CNN3: variants seen among roughly 807,000 people sequenced by gnomAD.
The protein encoded by CNN3 is calponin 3.
CNN3 carries 11 observed loss-of-function variants against 39.0 expected under a neutral mutation model. That is an observed-to-expected ratio of 0.28 (90% CI 0.18 to 0.47). CNN3 has a LOEUF of 0.47. CNN3 is among the 20% of genes least tolerant of loss of function. The pLI is 0.99. For missense variants in CNN3, 266 were observed against 403.4 expected (o/e 0.66, Z 2.92); for synonymous variants, 101 against 138.3 (o/e 0.73, Z 1.89).
chr1:94,900,026 T>TA (rs1396293568), intron 5 of CNN3, among the ~76,000 whole-genome samples: 1 of 152,220 alleles, frequency 6.6e-6, no homozygotes, highest in African/African-American at 2.4e-5. Context: ...TTTATTCCTG[T>TA]AACTCCCATG....
At chr1:94,924,453 C>G (rs1396908770) in intron 1 of CNN3, 34 of 152,276 alleles carry the variant, frequency 2.2e-4, no homozygotes, top group Admixed American at 2.2e-3. Flanking sequence ...AAAACCCTGT[C>G]TCTACTAAAT....
At chr1:94,924,610 A>G (rs1352757286) in intron 1 of CNN3, among the ~76,000 whole-genome samples, 1 of 152,202 alleles carries the variant, frequency 6.6e-6, no homozygotes, top group Admixed American at 6.5e-5. Flanking sequence ...GCGACAGAGC[A>G]AGACTCCGTC....
intron 6 of CNN3, among the ~76,000 whole-genome samples, chr1:94,898,849 CTGTTCTCAAA>C (rs1299457985): frequency 2.0e-5 from 3 of 152,166 alleles, no homozygotes; most frequent in African/African-American, 7.2e-5. Context: ...TGAGACCTGT[CTGTTCTCAAA>C]TGGTTGTTGA....
Position 94,901,074 on chromosome 1 carries a change from C to G in CNN3, c.501+595G>C, listed in dbSNP as rs571201947. The stretch of plus-strand genomic sequence containing the variant: ...ATCTATATATAAAAGATAAAACAGG[C>G]CAGGTGCAGTAGTTCACGCCTGTAA... On this transcript the variant is annotated intron_variant, in intron 5 of 6. Transcript: ENST00000370206. Among the ~76,000 whole-genome samples, 3 of 152,120 alleles carry G rather than the reference C, an allele frequency of 2.0e-5. No homozygotes were observed. In the East Asian group the frequency reaches 5.8e-4, roughly 29 times the overall value.
At position 94,901,746 on chromosome 1, in the gene CNN3, C is replaced by T. The variant is rs200885955; in HGVS notation, c.424G>A (p.Val142Ile). The change falls in exon 5 of 7, where the codon GTT becomes ATT. Residue 142 changes from valine (V) to isoleucine (I), a missense_variant. By Grantham distance (29) the Val-to-Ile change is conservative. Transcript: ENST00000370206. Reference sequence around the variant, plus strand: ...CTTGTTTGTTTTTCTGCATACTTAACTCCAATGTCAATGGTTGTATGGAAT... The same window carrying T: ...CTTGTTTGTTTTTCTGCATACTTAATTCCAATGTCAATGGTTGTATGGAAT... ...KGFHTTIDIG[V>I]KYAEKQTRRF... 6.2e-7 allele frequency: 1 copy of T among 1,613,996 alleles called. No individual in the cohort carries two copies. The highest frequency in any genetic ancestry group is 8.5e-7 in the Non-Finnish European group (1 of 1,179,948).
At position 94,902,560 on chromosome 1, in the gene CNN3, C is replaced by A. The variant is rs117318059; in HGVS notation, c.247-302G>T. On this transcript the variant is annotated intron_variant, in intron 3 of 6. Coordinates refer to ENST00000370206, the MANE Select transcript of CNN3 (RefSeq NM_001839.5). ...GGATTCTGTATCAGAGCTATCCAGG[C>A]CTGGAATTTTATTTGTCAAAAGGTG... 1.3e-3 allele frequency among the ~76,000 whole-genome samples: 196 copies of A among 152,258 alleles called. 4 individuals are homozygous for A. In the East Asian group the frequency reaches 0.036, roughly 28 times the overall value.
In CNN3 at chr1:94,926,917, G is replaced by A. The variant is rs369487528; in HGVS notation, c.-23C>T. On this transcript the variant is annotated 5_prime_UTR_variant, in exon 1 of 7. Transcript: ENST00000370206. The surrounding 1 kb of genome is among the most constrained non-coding windows in gnomAD (Gnocchi z 4.2). The stretch of plus-strand genomic sequence containing the variant: ...CATGGTGGTTCGGGCGGCGGGAAGA[G>A]ACAGCGCTGGGGTCCGGGGTCTCTC... 6.2e-5 allele frequency: 100 copies of A among 1,606,256 alleles called. No homozygotes were observed. The highest frequency in any genetic ancestry group is 6.3e-5 in the Non-Finnish European group (74 of 1,176,104).
At chr1:94,912,167 C>T (rs76890199) in intron 1 of CNN3, among the ~76,000 whole-genome samples, 2,044 of 152,282 alleles carry the variant, frequency 0.013, 19 homozygotes, top group Non-Finnish European at 0.022. Context: ...AACAGAATGT[C>T]AATTTTGTCT....
chr1:94,925,817 C>T (rs1277965621), intron 1 of CNN3: 2 of 985,420 alleles, frequency 2.0e-6, no homozygotes, highest in East Asian at 1.1e-4. Context: ...TTGGCCAGAA[C>T]AGCAGAAAGG....
At chr1:94,914,209 T>C (rs1043881615) in intron 1 of CNN3, among the ~76,000 whole-genome samples, 1 of 152,128 alleles carries the variant, frequency 6.6e-6, no homozygotes, top group Non-Finnish European at 1.5e-5. Flanking sequence ...GTCAGGAGCA[T>C]GGGTAACACT....
intron 5 of CNN3, among the ~76,000 whole-genome samples, 181 bp downstream of exon 5, chr1:94,901,488 T>G (rs1031287984): frequency 6.6e-6 from 1 of 151,870 alleles, no homozygotes; most frequent in African/African-American, 2.4e-5. Context: ...ATACCTGAGG[T>G]TTCCTCTAAA....
chr1:94,914,441 C>A (rs1229074844), intron 1 of CNN3, among the ~76,000 whole-genome samples: 2 of 152,180 alleles, frequency 1.3e-5, no homozygotes, highest in African/African-American at 2.4e-5. Flanking sequence ...TCTCAACCAG[C>A]CTGGGGAACC....
rs56226800 is a variant in CNN3, at chr1:94,897,371, T to TAAAAAAAAAAAAAAAAAAA, written c.*352_*370dup. On this transcript the variant is annotated 3_prime_UTR_variant, in exon 7 of 7. Coordinates refer to ENST00000370206, the MANE Select transcript of CNN3 (RefSeq NM_001839.5). ...TGTAGAAACCAGATACACTAAACTG[T>TAAAAAAAAAAAAAAAAAAA]AAAAAAAAAAAAAAAAAAAAAAAGT... 1 of 126,690 alleles carries TAAAAAAAAAAAAAAAAAAA rather than the reference T, an allele frequency of 7.9e-6. No homozygotes were observed. The highest frequency in any genetic ancestry group is 1.6e-5 in the Non-Finnish European group (1 of 62,166). The allele number at this position is 126,690 out of a possible 1,614,324, so 7.8% of individuals were successfully genotyped here.
At chr1:94,913,114 T>C (rs1194625694) in intron 1 of CNN3, among the ~76,000 whole-genome samples, 1 of 152,222 alleles carries the variant, frequency 6.6e-6, no homozygotes, top group African/African-American at 2.4e-5. Flanking sequence ...ATTCAAAATA[T>C]ATGTCAAATC....
intron 1 of CNN3, among the ~76,000 whole-genome samples, chr1:94,915,281 C>T (rs979798700): frequency 6.6e-6 from 1 of 152,162 alleles, no homozygotes; most frequent in African/African-American, 2.4e-5. Context: ...CCAAATCCTA[C>T]ACAAATGCCA....
Position 94,897,572 on chromosome 1 carries a change from T to C in CNN3, c.*170A>G. The C allele has an allele frequency of 1.7e-6, 1 of 604,212 alleles. No homozygotes were observed. The highest frequency in any genetic ancestry group is 2.9e-6 in the Non-Finnish European group (1 of 345,548). The allele number at this position is 604,212 out of a possible 1,614,324, so 37.4% of individuals were successfully genotyped here. A position where few individuals can be genotyped will look rare whatever the true frequency, so the allele number is the denominator to read the frequency against. ...TATTACAGCACTAAAAGGCAACTAT[T>C]GAGGGAAGAGGCAGAAAAAGGAAAA... On this transcript the variant is annotated 3_prime_UTR_variant, in exon 7 of 7. Coordinates refer to ENST00000370206, the MANE Select transcript of CNN3 (RefSeq NM_001839.5).
rs767890011 is a variant in CNN3, at chr1:94,926,805, G to A, written c.57+33C>T. 3 of 1,599,704 alleles carry A rather than the reference G, an allele frequency of 1.9e-6. No homozygotes were observed. Among genetic ancestry groups the A allele is most frequent in the Admixed American group, 1.7e-5 (1 of 58,496 alleles). On this transcript the variant is annotated intron_variant, in intron 1 of 6. Transcript: ENST00000370206. This position sits in a 1 kb window ranked among gnomAD's most constrained non-coding sequence, Gnocchi z 4.2. ...CGCCAGGCCAGCCCAAGGGTGCCCC[G>A]GGGGCCCCCGCGCCCGCCCGAGCCA...
intron 1 of CNN3, among the ~76,000 whole-genome samples, chr1:94,911,633 ATGGCACACACCTG>A (rs534653256): frequency 6.6e-6 from 1 of 152,018 alleles, no homozygotes. Flanking sequence ...GCTGGGCATG[ATGGCACACACCTG>A]TGGTTCCAGC....
intron 1 of CNN3, among the ~76,000 whole-genome samples, chr1:94,916,223 G>A (rs571321605): frequency 8.5e-5 from 13 of 152,226 alleles, no homozygotes; most frequent in East Asian, 1.9e-4. Context: ...TGGGCAACAC[G>A]GTAAAACCCT....
Sources: gnomAD v4.1 joint callset for allele counts (sites outside exome capture counted in the v4.1 genomes callset) on GRCh38, gnomAD v4.1.1 for gene constraint, Gnocchi (gnomAD v3.1) non-coding constraint, MANE v1.5 for transcripts, NCBI Gene and HGNC (gene_info 2026-07-23, HGNC 2026-07-21) for gene names.